Variants in LRRTM4 observed in about 807,000 individuals in gnomAD.
LRRTM4 encodes leucine rich repeat transmembrane neuronal 4.
A neutral mutation model predicts 47.6 loss-of-function variants in LRRTM4; 25 were observed. That is an observed-to-expected ratio of 0.53 (90% CI 0.38 to 0.73). LRRTM4 has a LOEUF of 0.73. LRRTM4 is among the 30% of genes least tolerant of loss of function. The pLI is 0.00. For missense variants in LRRTM4, 638 were observed against 713.4 expected, an observed-to-expected ratio of 0.89 and a Z score of 1.20; for synonymous variants, 311 against 269.5, an observed-to-expected ratio of 1.15 and a Z score of -1.51.
intron 3 of LRRTM4, among the ~76,000 whole-genome samples, chr2:77,380,626 T>C (rs369776508): frequency 4.6e-5 from 7 of 152,008 alleles, no homozygotes; most frequent in African/African-American, 1.7e-4. Flanking sequence ...TGAAACCCCG[T>C]CTGTACTAAA....
chr2:77,048,819 G>A (rs931281861), intron 3 of LRRTM4, among the ~76,000 whole-genome samples: 1 of 151,456 alleles, frequency 6.6e-6, no homozygotes, highest in East Asian at 2.0e-4. Context: ...ACAACAAATT[G>A]TTTATCCTAA....
chr2:77,167,492 C>T (rs1266432547), intron 3 of LRRTM4, among the ~76,000 whole-genome samples: 2 of 152,142 alleles, frequency 1.3e-5, no homozygotes, highest in Non-Finnish European at 2.9e-5. Context: ...GCTATAAAGA[C>T]ACATGCATAC....
intron 3 of LRRTM4, among the ~76,000 whole-genome samples, chr2:76,864,891 GTT>G (rs11347923): frequency 0.037 from 5,075 of 138,470 alleles, 217 homozygotes; most frequent in East Asian, 0.11. Context: ...CACTTCAGCT[GTT>G]TTTTTTTTTT....
At chr2:77,103,025 A>G (rs1670998446) in intron 3 of LRRTM4, among the ~76,000 whole-genome samples, 1 of 152,168 alleles carries the variant, frequency 6.6e-6, no homozygotes, top group Non-Finnish European at 1.5e-5. Flanking sequence ...CACGAGATTG[A>G]AGGGCAAATA....
intron 3 of LRRTM4, among the ~76,000 whole-genome samples, chr2:77,372,261 A>G (rs901204200): frequency 2.0e-5 from 3 of 151,814 alleles, no homozygotes; most frequent in African/African-American, 4.8e-5. Flanking sequence ...ACATCCTTGA[A>G]AAGATAATGT....
chr2:77,093,118 TCTAGTCATACTC>T (rs1329987008), intron 3 of LRRTM4, among the ~76,000 whole-genome samples: 1 of 147,036 alleles, frequency 6.8e-6, no homozygotes, highest in Non-Finnish European at 1.5e-5. Context: ...CTATCTTCTG[TCTAGTCATACTC>T]CTATTCACCG....
At chr2:77,461,620 A>G (rs1002901429) in intron 3 of LRRTM4, among the ~76,000 whole-genome samples, 11 of 152,158 alleles carry the variant, frequency 7.2e-5, no homozygotes, top group Admixed American at 7.2e-4. Flanking sequence ...AGTAACAAAT[A>G]TCAAGCTTTT....
chr2:77,500,587 G>A (rs1372007706), intron 3 of LRRTM4, among the ~76,000 whole-genome samples: 1 of 151,466 alleles, frequency 6.6e-6, no homozygotes, highest in Non-Finnish European at 1.5e-5. Context: ...GCATAACATT[G>A]TAGTATTCTC....
chr2:77,255,085 T>C (rs1675726616), intron 3 of LRRTM4, among the ~76,000 whole-genome samples: 1 of 151,936 alleles, frequency 6.6e-6, no homozygotes, highest in Non-Finnish European at 1.5e-5. Context: ...AAAGTAAAAG[T>C]ATATATAAAG....
chr2:77,068,842 G>A lies in LRRTM4; in HGVS notation c.1552-319926C>T, dbSNP rs577921351. Among the ~76,000 whole-genome samples the A allele has an allele frequency of 4.2e-4, 64 of 152,322 alleles. 1 individual carries two copies. In the Middle Eastern group the frequency reaches 0.02, roughly 49 times the overall value. ...CATGATGGCCATAAGGCCTACGCTGGAAGGTTGTGGGTTTACCGGAATGAG... is the reference window on the plus strand; with the variant it reads ...CATGATGGCCATAAGGCCTACGCTGAAAGGTTGTGGGTTTACCGGAATGAG... On this transcript the variant is annotated intron_variant, in intron 3 of 3. Coordinates refer to ENST00000409884, the MANE Select transcript of LRRTM4 (RefSeq NM_001134745.3).
rs576649893 is a variant in LRRTM4 at position 77,234,308 on chromosome 2, A to T, written c.1551+284010T>A. 2.0e-5 allele frequency among the ~76,000 whole-genome samples: 3 copies of T among 152,294 alleles called. No individual in the cohort carries two copies. The South Asian group carries it at 6.2e-4, about 32-fold the overall frequency. On this transcript the variant is annotated intron_variant, in intron 3 of 3. Coordinates refer to ENST00000409884, the MANE Select transcript of LRRTM4 (RefSeq NM_001134745.3). ...AGTTGATAGCCTACCCAACCATAAA[A>T]ATAGAAGAGACTAAAGGGGTTGATT...
intron 3 of LRRTM4, among the ~76,000 whole-genome samples, chr2:76,752,653 C>CT (rs1453173022): frequency 6.6e-6 from 1 of 152,138 alleles, no homozygotes; most frequent in African/African-American, 2.4e-5. Context: ...CTATAGGGCA[C>CT]TATGTAATCA....
At chr2:76,817,251 A>C (rs74860296) in intron 3 of LRRTM4, among the ~76,000 whole-genome samples, 5,298 of 151,958 alleles carry the variant, frequency 0.035, 142 homozygotes, top group Non-Finnish European at 0.052. Flanking sequence ...CTTGATAATT[A>C]ATTTTAATAT....
intron 3 of LRRTM4, among the ~76,000 whole-genome samples, chr2:77,411,995 C>T (rs1431319491): frequency 6.6e-6 from 1 of 152,162 alleles, no homozygotes; most frequent in African/African-American, 2.4e-5. Context: ...GAATGAACTG[C>T]TGTGGCATCA....
At chr2:76,965,451 A>G (rs1256877428) in intron 3 of LRRTM4, among the ~76,000 whole-genome samples, 1 of 151,380 alleles carries the variant, frequency 6.6e-6, no homozygotes. Context: ...AAAGAATCAT[A>G]TGATTATATT....
chr2:76,886,571 T>C (rs2104131160), intron 3 of LRRTM4, among the ~76,000 whole-genome samples: 1 of 152,130 alleles, frequency 6.6e-6, no homozygotes, highest in Admixed American at 6.5e-5. Flanking sequence ...AGATGACATA[T>C]TTTATTACCT....
intron 3 of LRRTM4, among the ~76,000 whole-genome samples, chr2:76,805,170 T>C (rs1675906522): frequency 6.6e-6 from 1 of 152,184 alleles, no homozygotes; most frequent in Non-Finnish European, 1.5e-5. Context: ...GGATGGTCTA[T>C]AATTTTAATG....
intron 3 of LRRTM4, among the ~76,000 whole-genome samples, chr2:77,483,800 T>G (rs2104025012): frequency 6.6e-6 from 1 of 152,332 alleles, no homozygotes; most frequent in East Asian, 1.9e-4. Context: ...CCTATTAGAT[T>G]TTACTGCCAC....
chr2:76,814,663 T>TA (rs1348639121), intron 3 of LRRTM4, among the ~76,000 whole-genome samples: 1 of 152,058 alleles, frequency 6.6e-6, no homozygotes, highest in African/African-American at 2.4e-5. Context: ...TATATGTAAA[T>TA]ACTACCCCAT....
Sources: gnomAD v4.1 joint callset for allele counts (sites outside exome capture counted in the v4.1 genomes callset) on GRCh38, gnomAD v4.1.1 for gene constraint, MANE v1.5 for transcripts, NCBI Gene and HGNC (gene_info 2026-07-23, HGNC 2026-07-21) for gene names.